The following PYHIN1 variants were observed in gnomAD, a reference collection of about 807,000 sequenced individuals.
PYHIN1 encodes the protein pyrin and HIN domain family member 1.
A neutral mutation model predicts 43.7 loss-of-function variants in PYHIN1; 32 were observed. The ratio of observed to expected loss-of-function variants is 0.73; its 90% CI spans 0.55 to 0.98. PYHIN1 has a LOEUF of 0.98. PYHIN1 is among the 50% of genes least tolerant of loss of function. PYHIN1 has a pLI of 0.00. For missense variants in PYHIN1, 588 were observed against 589.5 expected, an observed-to-expected ratio of 1.00 and a Z score of 0.03; for synonymous variants, 205 against 203.1, an observed-to-expected ratio of 1.01 and a Z score of -0.08.
chr1:158,989,882 T>TA, the PYHIN1 span, among the ~76,000 whole-genome samples: 39,278 of 150,018 alleles, frequency 0.26, 5,441 homozygotes, highest in South Asian at 0.37. Context: ...AATTTCCTGT[T>TA]AAAAAAAAAA....
intron 6 of PYHIN1, 52 bp downstream of exon 6, chr1:158,944,030 T>G: frequency 6.8e-7 from 1 of 1,479,144 alleles, no homozygotes; most frequent in Non-Finnish European, 9.1e-7. Flanking sequence ...AATCATTTGC[T>G]TTAAGTTTTA....
At chr1:158,934,100 T>C (rs1459057439) in intron 1 of PYHIN1, among the ~76,000 whole-genome samples, 1 of 152,104 alleles carries the variant, frequency 6.6e-6, no homozygotes, top group Admixed American at 6.5e-5. Flanking sequence ...CTTTTGTACC[T>C]GGGGGGCTCG....
intron 7 of PYHIN1, among the ~76,000 whole-genome samples, chr1:158,957,969 A>G (rs1650060023): frequency 6.6e-6 from 1 of 152,194 alleles, no homozygotes; most frequent in Admixed American, 6.5e-5. Context: ...ACTTCTCAAA[A>G]GAAGACATTT....
chr1:158,945,202 C>G (rs537056565), intron 7 of PYHIN1, 160 bp downstream of exon 7: 1 of 640,508 alleles, frequency 1.6e-6, no homozygotes, highest in East Asian at 3.0e-5. Context: ...TGAGATACTA[C>G]CACATGATAG....
At chr1:158,960,219 G>C (rs751162382) in intron 7 of PYHIN1, among the ~76,000 whole-genome samples, 4 of 152,124 alleles carry the variant, frequency 2.6e-5, no homozygotes, top group Non-Finnish European at 5.9e-5. Context: ...TTGCCAACTT[G>C]GCACAAGTGG....
chr1:158,933,773 C>T lies in PYHIN1; in HGVS notation c.-21+1997C>T, dbSNP rs925620784. ...AACTCATATTCTTTTTCTTCCCTCC[C>T]TCCACCATGTTGGTATACTTTCTGT... On this transcript the variant is annotated intron_variant, in intron 1 of 8. Coordinates refer to ENST00000368140, the MANE Select transcript of PYHIN1 (RefSeq NM_152501.5). This position sits in a 1 kb window ranked among gnomAD's most constrained non-coding sequence, Gnocchi z 6.3. 1.3e-5 allele frequency among the ~76,000 whole-genome samples: 2 copies of T among 152,084 alleles called. No individual in the cohort carries two copies. The highest frequency in any genetic ancestry group is 2.4e-5 in the African/African-American group (1 of 41,442).
chr1:158,990,499 A>G, the PYHIN1 span, among the ~76,000 whole-genome samples: 2 of 152,158 alleles, frequency 1.3e-5, no homozygotes, highest in African/African-American at 4.8e-5. Context: ...ATATTACCTC[A>G]CAGCCAACAT....
chr1:158,981,511 C>T (rs1179678416), downstream of PYHIN1, among the ~76,000 whole-genome samples: 1 of 152,040 alleles, frequency 6.6e-6, no homozygotes, highest in African/African-American at 2.4e-5. Context: ...ACAAAGAAAC[C>T]ATATACAAGC....
chr1:158,968,878 A>G (rs1270537379), intron 7 of PYHIN1, among the ~76,000 whole-genome samples: 4 of 151,956 alleles, frequency 2.6e-5, no homozygotes, highest in African/African-American at 7.2e-5. Flanking sequence ...AGAACAACAG[A>G]CACTGGCGCC....
intron 7 of PYHIN1, among the ~76,000 whole-genome samples, chr1:158,962,418 C>A (rs1650373652): frequency 6.6e-6 from 1 of 152,184 alleles, no homozygotes; most frequent in Non-Finnish European, 1.5e-5. Context: ...CCCCAACACA[C>A]TGGAGCCACC....
the PYHIN1 span, among the ~76,000 whole-genome samples, chr1:158,987,728 G>T: frequency 1.3e-5 from 2 of 152,002 alleles, no homozygotes; most frequent in East Asian, 3.9e-4. Flanking sequence ...ATGAAATAAT[G>T]AATCCAGTTT....
chr1:158,988,413 T>C, the PYHIN1 span, among the ~76,000 whole-genome samples: 1 of 152,162 alleles, frequency 6.6e-6, no homozygotes, highest in Non-Finnish European at 1.5e-5. Flanking sequence ...GAGGTTCTGG[T>C]ATGGACTTAG....
chr1:158,967,272 A>G (rs1268289782), intron 7 of PYHIN1, among the ~76,000 whole-genome samples: 2 of 152,074 alleles, frequency 1.3e-5, no homozygotes, highest in South Asian at 2.1e-4. Flanking sequence ...CACTGTGTAC[A>G]TCACTTTGGA....
At chr1:158,936,568 G>A (rs560534416) in intron 1 of PYHIN1, among the ~76,000 whole-genome samples, 11 of 151,974 alleles carry the variant, frequency 7.2e-5, no homozygotes, top group Non-Finnish European at 1.3e-4. Context: ...ACGTAATCCA[G>A]CATATAAACA....
At position 158,945,247 on chromosome 1, in the gene PYHIN1, G is replaced by A. The variant is rs1488388627; in HGVS notation, c.1359+205G>A. On this transcript the variant is annotated intron_variant, in intron 7 of 8. Coordinates refer to ENST00000368140, the MANE Select transcript of PYHIN1 (RefSeq NM_152501.5). ...TCTAAAAGATATTTATTTGTGCAAC[G>A]ATTGCTGACCACAAGAGGGCTAGTA... 5 of 460,578 alleles carry A rather than the reference G, an allele frequency of 1.1e-5. No homozygotes were observed. The East Asian group carries it at 1.5e-4, about 14-fold the overall frequency. 28.5% of individuals were successfully genotyped at this position (460,578 alleles called of 1,614,324 possible).
At chr1:158,971,272 T>G (rs1177881818) in intron 7 of PYHIN1, among the ~76,000 whole-genome samples, 2 of 151,150 alleles carry the variant, frequency 1.3e-5, no homozygotes, top group Non-Finnish European at 3.0e-5. Flanking sequence ...TGAATGAGAG[T>G]GATTTGATAT....
intron 7 of PYHIN1, among the ~76,000 whole-genome samples, chr1:158,948,857 A>G (rs1189472891): frequency 3.3e-5 from 5 of 152,160 alleles, no homozygotes; most frequent in African/African-American, 1.2e-4. Flanking sequence ...TAACACTAGC[A>G]ATATTTAAAT....
intron 7 of PYHIN1, among the ~76,000 whole-genome samples, chr1:158,958,087 A>T (rs1379235846): frequency 6.6e-6 from 1 of 152,192 alleles, no homozygotes; most frequent in East Asian, 1.9e-4. Context: ...AATGGCAATC[A>T]TCAAAAAGTC....
rs1648998712 is a variant in PYHIN1 at position 158,942,830 on chromosome 1, C to T, written c.1002+431C>T. Among the ~76,000 whole-genome samples the T allele has an allele frequency of 2.0e-5, 3 of 152,104 alleles. No individual in the cohort carries two copies. In the South Asian group the frequency reaches 6.2e-4, roughly 32 times the overall value. On this transcript the variant is annotated intron_variant, in intron 5 of 8. Transcript: ENST00000368140. ...AGGCTTGAGTTCCAGTTTTGACAAT[C>T]AGGGCAAGAAATGAATTGACTGTTT...
Sources: gnomAD v4.1 joint callset for allele counts (sites outside exome capture counted in the v4.1 genomes callset) on GRCh38, gnomAD v4.1.1 for gene constraint, Gnocchi (gnomAD v3.1) non-coding constraint, MANE v1.5 for transcripts, NCBI Gene and HGNC (gene_info 2026-07-23, HGNC 2026-07-21) for gene names.